Variants in CHST11 observed in about 807,000 individuals in gnomAD.
The protein encoded by CHST11 is C4S-1.
A neutral mutation model predicts 30.4 loss-of-function variants in CHST11; 9 were observed. That is an observed-to-expected ratio of 0.30 (90% CI 0.18 to 0.52). The LOEUF (loss-of-function observed/expected upper bound fraction) is 0.52. Ranked by LOEUF, CHST11 falls within the 20% of genes least tolerant of loss-of-function variation. CHST11 has a pLI of 0.97. For missense variants in CHST11, 348 were observed against 460.6 expected (o/e 0.76, Z 2.24); for synonymous variants, 152 against 187.8 (o/e 0.81, Z 1.56).
chr12:104,671,460 T>TG (rs2039697060), intron 2 of CHST11, among the ~76,000 whole-genome samples: 2 of 152,328 alleles, frequency 1.3e-5, no homozygotes, highest in South Asian at 4.1e-4. Flanking sequence ...GCCTGTCTAC[T>TG]GATCATTACT....
intron 1 of CHST11, among the ~76,000 whole-genome samples, chr12:104,596,684 CTT>C (rs1366466881): frequency 6.6e-6 from 1 of 152,130 alleles, no homozygotes; most frequent in East Asian, 1.9e-4. Flanking sequence ...TTACATCTAA[CTT>C]AAAGTGTTTT....
Position 104,457,138 on chromosome 12 carries a change from G to C in CHST11, c.-274G>C. 1 of 271,220 alleles carries C rather than the reference G, an allele frequency of 3.7e-6. No individual in the cohort carries two copies. Among genetic ancestry groups the C allele is most frequent in the African/African-American group, 2.2e-5 (1 of 45,300 alleles). 16.8% of individuals were successfully genotyped at this position (271,220 alleles called of 1,614,324 possible). A position where few individuals can be genotyped will look rare whatever the true frequency, so the allele number is the denominator to read the frequency against. The stretch of plus-strand genomic sequence containing the variant: ...GGCAGCGGCGGCCGCCGGCGGGATC[G>C]GAGGAGGCGGCGGAGCGGCGAGGAG... On this transcript the variant is annotated 5_prime_UTR_variant, in exon 1 of 3. Transcript: ENST00000303694.
intron 1 of CHST11, among the ~76,000 whole-genome samples, chr12:104,591,972 C>G (rs1038978239): frequency 6.6e-6 from 1 of 151,186 alleles, no homozygotes; most frequent in African/African-American, 2.4e-5. Context: ...GCAACTCGGC[C>G]TATAGCCAGC....
In CHST11 at chr12:104,611,778, G is replaced by GT. The variant is rs139680670; in HGVS notation, c.204+9788dup. Among the ~76,000 whole-genome samples the GT allele has an allele frequency of 4.5e-3, 681 of 152,308 alleles. 3 individuals carry two copies. Among genetic ancestry groups the GT allele is most frequent in the African/African-American group, 0.016 (657 of 41,550 alleles). On this transcript the variant is annotated intron_variant, in intron 2 of 2. Coordinates refer to ENST00000303694, the MANE Select transcript of CHST11 (RefSeq NM_018413.6). ...CCCCCAGAAGTTCCTTCCGGAAAGC[G>GT]TAAGTGTGAGTATTGTGGAAGGGCT...
intron 2 of CHST11, among the ~76,000 whole-genome samples, chr12:104,612,620 G>C (rs139509429): frequency 6.6e-6 from 1 of 152,198 alleles, no homozygotes; most frequent in Non-Finnish European, 1.5e-5. Context: ...AGTGCTTACT[G>C]TGTGTGTCGT....
At chr12:104,705,631 G>A (rs540678313) in intron 2 of CHST11, among the ~76,000 whole-genome samples, 17 of 152,288 alleles carry the variant, frequency 1.1e-4, no homozygotes, top group Non-Finnish European at 2.4e-4. Flanking sequence ...GTTAAATAAC[G>A]TGGGCAGGGC....
chr12:104,475,960 A>T (rs1053352817), intron 1 of CHST11, among the ~76,000 whole-genome samples: 11 of 144,604 alleles, frequency 7.6e-5, no homozygotes, highest in Non-Finnish European at 1.4e-4. Flanking sequence ...ATTTACAAAG[A>T]TATATTTTAA....
intron 2 of CHST11, among the ~76,000 whole-genome samples, chr12:104,694,261 G>A (rs577584435): frequency 2.7e-4 from 41 of 152,154 alleles, no homozygotes; most frequent in Middle Eastern, 3.4e-3. Context: ...CTCTCCAGCC[G>A]CAGTCCAGCC....
intron 2 of CHST11, among the ~76,000 whole-genome samples, chr12:104,654,972 G>T (rs950275229): frequency 1.3e-5 from 2 of 152,172 alleles, no homozygotes. Context: ...CCTGTGTCTG[G>T]CACTTAAGGA....
At chr12:104,690,362 T>C in intron 2 of CHST11, among the ~76,000 whole-genome samples, 1 of 152,250 alleles carries the variant, frequency 6.6e-6, no homozygotes, top group East Asian at 1.9e-4. Context: ...TATTTCTCTT[T>C]TCAATTTGCT....
intron 1 of CHST11, chr12:104,513,986 G>T: frequency 1.4e-6 from 1 of 694,738 alleles, no homozygotes; most frequent in Non-Finnish European, 2.6e-6. Flanking sequence ...AGTGCTGTGG[G>T]CTTAGCAGGG....
intron 2 of CHST11, among the ~76,000 whole-genome samples, chr12:104,631,273 G>A (rs2039267342): frequency 6.6e-6 from 1 of 152,132 alleles, no homozygotes; most frequent in Non-Finnish European, 1.5e-5. Flanking sequence ...GGGTCACCCG[G>A]GGCAAGTCAT....
intron 2 of CHST11, among the ~76,000 whole-genome samples, chr12:104,751,200 C>T (rs561784404): frequency 2.2e-4 from 33 of 152,290 alleles, no homozygotes; most frequent in African/African-American, 7.7e-4. Flanking sequence ...ATGCTACCTC[C>T]CTGGGGATTC....
At chr12:104,543,306 C>T (rs550271815) in intron 1 of CHST11, among the ~76,000 whole-genome samples, 1 of 152,340 alleles carries the variant, frequency 6.6e-6, no homozygotes, top group African/African-American at 2.4e-5. Context: ...ACACCTCCCC[C>T]TAGGCCCACG....
At chr12:104,532,135 C>A (rs2038191522) in intron 1 of CHST11, among the ~76,000 whole-genome samples, 1 of 152,234 alleles carries the variant, frequency 6.6e-6, no homozygotes, top group African/African-American at 2.4e-5. Flanking sequence ...TGGCTTCCAG[C>A]CCCACGAATC....
chr12:104,647,896 A>T (rs754308666), intron 2 of CHST11, among the ~76,000 whole-genome samples: 3 of 152,176 alleles, frequency 2.0e-5, no homozygotes, highest in Non-Finnish European at 4.4e-5. Flanking sequence ...GTACTTTTCC[A>T]CGTGGCCTTT....
chr12:104,459,707 G>A (rs144614694), intron 1 of CHST11, among the ~76,000 whole-genome samples: 120 of 152,270 alleles, frequency 7.9e-4, no homozygotes, highest in African/African-American at 2.8e-3. Flanking sequence ...TTTGGAAGAG[G>A]CAGAGAACCT....
intron 2 of CHST11, among the ~76,000 whole-genome samples, chr12:104,651,979 T>C (rs1042753832): frequency 1.3e-5 from 2 of 152,214 alleles, no homozygotes; most frequent in African/African-American, 2.4e-5. Context: ...GCCCCTGACT[T>C]CTGCATTTCC....
chr12:104,479,098 C>T (rs115404185), intron 1 of CHST11, among the ~76,000 whole-genome samples: 1,690 of 151,980 alleles, frequency 0.011, 34 homozygotes, highest in African/African-American at 0.039. Flanking sequence ...GGACTCTTAA[C>T]GTATTGGTAG....
Sources: allele counts gnomAD v4.1 joint callset (sites outside exome capture counted in the v4.1 genomes callset), GRCh38; gene constraint gnomAD v4.1.1; transcripts MANE v1.5; gene names NCBI Gene and HGNC (gene_info 2026-07-23, HGNC 2026-07-21).